Variants in TEPSIN observed in about 807,000 individuals in gnomAD.
TEPSIN encodes the protein TEPSIN adaptor related protein complex 4 accessory protein, also known as AP-4 complex accessory subunit tepsin.
In TEPSIN, 50 loss-of-function variants were observed where a neutral mutation model predicts 48.5. The ratio of observed to expected loss-of-function variants is 1.03; its 90% CI spans 0.82 to 1.31. TEPSIN has a LOEUF of 1.31. TEPSIN is among the 50% of genes most tolerant of loss of function. The probability of loss-of-function intolerance (pLI) is 0.00; values close to 1 mark genes in which losing one functional copy is unlikely to be tolerated. For synonymous variants in TEPSIN, 392 were observed against 358.8 expected, an observed-to-expected ratio of 1.09 and a Z score of -1.05; for missense variants, 838 against 815.9, an observed-to-expected ratio of 1.03 and a Z score of -0.33.
rs371845462 is a variant in TEPSIN, at chr17:81,237,076, G to A, written c.122-5C>T. The A allele has an allele frequency of 1.8e-5, 29 of 1,580,484 alleles. No homozygotes were observed. Among genetic ancestry groups the A allele is most frequent in the African/African-American group, 1.3e-4 (10 of 74,304 alleles). On this transcript the variant is annotated splice_region_variant and splice_polypyrimidine_tract_variant and intron_variant, in intron 2 of 12. Coordinates refer to ENST00000637944, the MANE Select transcript of TEPSIN (RefSeq NM_001363764.2). ...CCGGAGACTCGTGGGAGATTTCTGC[G>A]GCACGCTCGGGTTAGGGAAGGGCGA...
chr17:81,233,384 T>C lies in TEPSIN; in HGVS notation c.526+48A>G, dbSNP rs772223936. ...TGGTCCGGCCCCCACCACCTCCTCATCCCCACACCCTGAGATGCCAGAGCC... is the reference window on the plus strand; with the variant it reads ...TGGTCCGGCCCCCACCACCTCCTCACCCCCACACCCTGAGATGCCAGAGCC... On this transcript the variant is annotated intron_variant, in intron 7 of 12. Transcript: ENST00000637944. The surrounding 1 kb of genome is among the most constrained non-coding windows in gnomAD (Gnocchi z 5.8). The C allele has an allele frequency of 3.1e-6, 5 of 1,597,750 alleles. No homozygotes were observed.
chr17:81,238,428 G>C (rs2062765281), intron 1 of TEPSIN: 2 of 297,674 alleles, frequency 6.7e-6, no homozygotes, highest in African/African-American at 2.3e-5. Flanking sequence ...GCTCAGGGCT[G>C]ACAAAAGAGG....
Position 81,233,120 on chromosome 17 carries a change from C to T in TEPSIN, c.526+312G>A. On this transcript the variant is annotated intron_variant, in intron 7 of 12. Coordinates refer to ENST00000637944, the MANE Select transcript of TEPSIN (RefSeq NM_001363764.2). The surrounding 1 kb of genome is among the most constrained non-coding windows in gnomAD (Gnocchi z 5.8). The stretch of plus-strand genomic sequence containing the variant: ...CACACGGGACTGCCTGAGTCACCTG[C>T]ACCACAGCCAGGGGCACAGCCCTCG... 2.1e-6 allele frequency: 1 copy of T among 483,532 alleles called. No homozygotes were observed. Among genetic ancestry groups the T allele is most frequent in the Non-Finnish European group, 3.7e-6 (1 of 270,964 alleles). The allele number at this position is 483,532 out of a possible 1,614,324, so 30.0% of individuals were successfully genotyped here.
rs144829230 is a variant in TEPSIN, at chr17:81,233,476, C to T, written c.482G>A (p.Ser161Asn). 3.1e-6 allele frequency: 5 copies of T among 1,607,902 alleles called. No individual in the cohort carries two copies. The highest frequency in any genetic ancestry group is 1.1e-5 in the South Asian group (1 of 90,472). ...TGMGSQARPH[S>N]TLQGFGYSKE... Reference sequence around the variant, plus strand: ...GCTGTAGCCGAAACCCTGGAGGGTGCTGTGCGGCCTGGCCTGGGAGCCCAT... The same window carrying T: ...GCTGTAGCCGAAACCCTGGAGGGTGTTGTGCGGCCTGGCCTGGGAGCCCAT... The change falls in exon 7 of 13, where the codon AGC (serine) becomes AAC (asparagine). Residue 161 changes from serine to asparagine, a missense_variant. By Grantham distance (46) the Ser-to-Asn change is conservative (BLOSUM62 1). Transcript: ENST00000637944. This position sits in a 1 kb window ranked among gnomAD's most constrained non-coding sequence, Gnocchi z 5.8.
intron 8 of TEPSIN, 45 bp downstream of exon 8, chr17:81,232,270 A>C: frequency 3.4e-6 from 5 of 1,471,104 alleles, no homozygotes; most frequent in Non-Finnish European, 4.5e-6. Context: ...CGGTGACAGG[A>C]AGGAGTGACC....
Position 81,239,042 on chromosome 17 carries a change from TC to T in TEPSIN, c.-10del. The T allele has an allele frequency of 6.7e-7, 1 of 1,490,950 alleles. No homozygotes were observed. Among genetic ancestry groups the T allele is most frequent in the African/African-American group, 1.5e-5 (1 of 68,650 alleles). 92.4% of individuals were successfully genotyped at this position (1,490,950 alleles called of 1,614,324 possible). A position where few individuals can be genotyped will look rare whatever the true frequency, so the allele number is the denominator to read the frequency against. ...GGCGGCGCGGCAGCCATGATCCAGGTCCCCTCCCGGTCTGCCCCGCTTCCGC... is the reference window on the plus strand; with the variant it reads ...GGCGGCGCGGCAGCCATGATCCAGGTCCCTCCCGGTCTGCCCCGCTTCCGC... On this transcript the variant is annotated 5_prime_UTR_variant, in exon 1 of 13. Coordinates refer to ENST00000637944, the MANE Select transcript of TEPSIN (RefSeq NM_001363764.2).
At position 81,239,043 on chromosome 17, in the gene TEPSIN, C is replaced by A; in HGVS notation, c.-10G>T. 4 of 1,491,596 alleles carry A rather than the reference C, an allele frequency of 2.7e-6. No homozygotes were observed. Among genetic ancestry groups the A allele is most frequent in the Non-Finnish European group, 3.6e-6 (4 of 1,125,718 alleles). 92.4% of individuals were successfully genotyped at this position (1,491,596 alleles called of 1,614,324 possible). ...GCGGCGCGGCAGCCATGATCCAGGT[C>A]CCCTCCCGGTCTGCCCCGCTTCCGC... On this transcript the variant is annotated 5_prime_UTR_variant, in exon 1 of 13. Transcript: ENST00000637944.
At position 81,230,844 on chromosome 17, in the gene TEPSIN, C is replaced by G. The variant is rs1205775385; in HGVS notation, c.1099-166G>C. On this transcript the variant is annotated intron_variant, in intron 11 of 12. Coordinates refer to ENST00000637944, the MANE Select transcript of TEPSIN (RefSeq NM_001363764.2). The surrounding 1 kb of genome is among the most constrained non-coding windows in gnomAD (Gnocchi z 4.2). ...AGCCCTGTCCTCACCGCCTTACACC[C>G]CGGATCCCAGACACCACAGCCCTGT... The G allele has an allele frequency of 5.6e-6, 5 of 889,460 alleles. No individual in the cohort carries two copies. The highest frequency in any genetic ancestry group is 8.1e-6 in the Non-Finnish European group (5 of 614,460). 55.1% of individuals were successfully genotyped at this position (889,460 alleles called of 1,614,324 possible). A position where few individuals can be genotyped will look rare whatever the true frequency, so the allele number is the denominator to read the frequency against.
chr17:81,229,795 G>A (rs1171379899), intron 12 of TEPSIN: 6 of 405,468 alleles, frequency 1.5e-5, no homozygotes, highest in African/African-American at 4.2e-5. Flanking sequence ...GAGTGAACAC[G>A]TGGCCTGGCA....
chr17:81,236,781 A>C lies in TEPSIN; in HGVS notation c.234T>G (p.Tyr78Ter), dbSNP rs144443843. 70 of 1,568,618 alleles carry C rather than the reference A, an allele frequency of 4.5e-5. No individual in the cohort carries two copies. The highest frequency in any genetic ancestry group is 5.5e-5 in the Non-Finnish European group (64 of 1,157,598). The stretch of plus-strand genomic sequence containing the variant: ...AGAAGGAGGAGCCGTGGCTGCACAG[A>C]TAGAGCAGGATCTTCAGCACCTGGG... ...GKLKVLKILL[Y>*]LCSHGSSFFL... Residue 78 changes from tyrosine (Y) to a stop codon, truncating the protein, a stop_gained, in exon 4 of 13, where the codon TAT (tyrosine) becomes TAG (stop). Coordinates refer to ENST00000637944, the MANE Select transcript of TEPSIN (RefSeq NM_001363764.2). LOFTEE classifies it high-confidence loss of function.
In TEPSIN at chr17:81,234,762, G is replaced by A. The variant is rs377552122; in HGVS notation, c.308-714C>T. Among the ~76,000 whole-genome samples, 7 of 152,162 alleles carry A rather than the reference G, an allele frequency of 4.6e-5. No individual in the cohort carries two copies. The East Asian group carries it at 1.2e-3, about 25-fold the overall frequency. On this transcript the variant is annotated intron_variant, in intron 4 of 12. Coordinates refer to ENST00000637944, the MANE Select transcript of TEPSIN (RefSeq NM_001363764.2). The surrounding 1 kb of genome is among the most constrained non-coding windows in gnomAD (Gnocchi z 5.4). Reference sequence around the variant, plus strand: ...CCACAAGCTGAGTCAATGGCTGGATGAACTGACACCCTGAGGCTGCCATCT... The same window carrying A: ...CCACAAGCTGAGTCAATGGCTGGATAAACTGACACCCTGAGGCTGCCATCT...
At chr17:81,235,364 G>A (rs2062702691) in intron 4 of TEPSIN, among the ~76,000 whole-genome samples, 1 of 152,196 alleles carries the variant, frequency 6.6e-6, no homozygotes, top group African/African-American at 2.4e-5. Context: ...CCTGGAGCAG[G>A]GCGCCCCGTC....
Position 81,231,888 on chromosome 17 carries a change from G to A in TEPSIN, c.864C>T (p.Ser288=). ...SDSGSHSGSD[S]HSGASREPGD... ...CCGGCTCCCGGCTGGCCCCTGAATG[G>A]CTGTCGCTGCCGGAATGACTGCCCG... is the stretch of plus-strand genomic sequence containing the variant. The change falls in exon 9 of 13, where the codon AGC becomes AGT. Residue 288 remains serine (S), a synonymous_variant. Coordinates refer to ENST00000637944, the MANE Select transcript of TEPSIN (RefSeq NM_001363764.2). The A allele has an allele frequency of 6.2e-7, 1 of 1,613,584 alleles. No homozygotes were observed. The highest frequency in any genetic ancestry group is 8.5e-7 in the Non-Finnish European group (1 of 1,180,006).
chr17:81,231,258 T>C lies in TEPSIN; in HGVS notation c.1098+140A>G, dbSNP rs2062598041. On this transcript the variant is annotated intron_variant, in intron 11 of 12. Coordinates refer to ENST00000637944, the MANE Select transcript of TEPSIN (RefSeq NM_001363764.2). Reference sequence around the variant, plus strand: ...ACACCCACACGCACACACACAGGCATGTGCGCACGCACAGCCACACAGAGG... The same window carrying C: ...ACACCCACACGCACACACACAGGCACGTGCGCACGCACAGCCACACAGAGG... 9 of 851,746 alleles carry C rather than the reference T, an allele frequency of 1.1e-5. 1 individual carries two copies. The Admixed American group carries it at 1.6e-4, about 15-fold the overall frequency. 52.8% of individuals were successfully genotyped at this position (851,746 alleles called of 1,614,324 possible). A position where few individuals can be genotyped will look rare whatever the true frequency, so the allele number is the denominator to read the frequency against.
In TEPSIN at chr17:81,231,143, A is replaced by G. The variant is rs376991771; in HGVS notation, c.1098+255T>C. 3,735 of 570,812 alleles carry G rather than the reference A, an allele frequency of 6.5e-3. 94 individuals are homozygous for G. The highest frequency in any genetic ancestry group is 0.045 in the African/African-American group (2,378 of 53,216). The allele number at this position is 570,812 out of a possible 1,614,324, so 35.4% of individuals were successfully genotyped here. The stretch of plus-strand genomic sequence containing the variant: ...TGCAGTCATGTACACACACACACAG[A>G]TGTGTGCATACCACACACGTGCACA... On this transcript the variant is annotated intron_variant, in intron 11 of 12. Transcript: ENST00000637944.
chr17:81,229,196 C>CTGGCCT lies in TEPSIN; in HGVS notation c.1508_1513dup (p.Ala504_Arg505insLysAla). 2.5e-6 allele frequency: 4 copies of CTGGCCT among 1,589,128 alleles called. No homozygotes were observed. Among genetic ancestry groups the CTGGCCT allele is most frequent in the Middle Eastern group, 1.7e-4 (1 of 5,944 alleles). ...TCTCCACCGCCTGCTTTCTGCCAGT[C>CTGGCCT]TGGCCTCGGCCTCGCTGGGGTCTCC... On this transcript the variant is annotated inframe_insertion, in exon 13 of 13. Coordinates refer to ENST00000637944, the MANE Select transcript of TEPSIN (RefSeq NM_001363764.2).
At chr17:81,238,064 G>A (rs780573605) in intron 1 of TEPSIN, 23 of 991,872 alleles carry the variant, frequency 2.3e-5, no homozygotes, top group Non-Finnish European at 2.8e-5. Flanking sequence ...GCATTATTCA[G>A]TATCAGGACA....
In TEPSIN at chr17:81,238,814, G is replaced by A. The variant is rs564286960; in HGVS notation, c.48+172C>T. On this transcript the variant is annotated intron_variant, in intron 1 of 12. Coordinates refer to ENST00000637944, the MANE Select transcript of TEPSIN (RefSeq NM_001363764.2). ...GGAAGGCCCGGCTTGGAAGGCCCCG[G>A]GACGGCGCGGCGGGCGGGCAGCTCA... 63 of 1,332,546 alleles carry A rather than the reference G, an allele frequency of 4.7e-5. No individual in the cohort carries two copies. The African/African-American group carries it at 8.8e-4, about 19-fold the overall frequency. 82.5% of individuals were successfully genotyped at this position (1,332,546 alleles called of 1,614,324 possible).
At chr17:81,232,120 C>G in intron 8 of TEPSIN, 99 bp from the exon 9 acceptor site, 1 of 1,449,450 alleles carries the variant, frequency 6.9e-7, no homozygotes, top group Non-Finnish European at 9.2e-7. Flanking sequence ...GGGGCTGAGT[C>G]CTGAGCTGAG....
Sources: gnomAD v4.1 joint callset for allele counts (sites outside exome capture counted in the v4.1 genomes callset) on GRCh38, gnomAD v4.1.1 for gene constraint, Gnocchi (gnomAD v3.1) non-coding constraint, MANE v1.5 for transcripts, NCBI Gene and HGNC (gene_info 2026-07-23, HGNC 2026-07-21) for gene names.